ZNF676: variants seen among roughly 807,000 people sequenced by gnomAD.
ZNF676 encodes the protein zinc finger protein 676.
In ZNF676, 4 loss-of-function variants were observed where a neutral mutation model predicts 6.0. The ratio of observed to expected loss-of-function variants is 0.67; its 90% CI spans 0.33 to 1.53. The LOEUF (loss-of-function observed/expected upper bound fraction) is 1.53. ZNF676 is among the 40% of genes most tolerant of loss of function. ZNF676 has a pLI of 0.06. For missense variants in ZNF676, 644 were observed against 679.7 expected (o/e 0.95, Z 0.58); for synonymous variants, 198 against 223.1 (o/e 0.89, Z 1.00).
intron 1 of ZNF676, among the ~76,000 whole-genome samples, chr19:22,215,057 A>AAAG (rs2024169694): frequency 8.4e-6 from 1 of 118,874 alleles, no homozygotes; most frequent in South Asian, 2.7e-4. Context: ...AAAAAAAAAA[A>AAAG]AAACAACAAA....
At chr19:22,238,830 G>A in the ZNF676 span, among the ~76,000 whole-genome samples, 1 of 152,162 alleles carries the variant, frequency 6.6e-6, no homozygotes, top group Non-Finnish European at 1.5e-5. Flanking sequence ...TGTAGGCTGG[G>A]AGACTAGGCC....
At chr19:22,210,356 C>A (rs527537779) in intron 1 of ZNF676, among the ~76,000 whole-genome samples, 2 of 152,188 alleles carry the variant, frequency 1.3e-5, no homozygotes, top group South Asian at 4.2e-4. Context: ...AGTCACAAAC[C>A]CCATGGGCTC....
intron 1 of ZNF676, 53 bp from the exon 2 acceptor site, chr19:22,193,164 A>G: frequency 4.6e-6 from 7 of 1,515,776 alleles, no homozygotes; most frequent in Non-Finnish European, 6.2e-6. Context: ...TCCAATTACC[A>G]ACTTAGTAAT....
chr19:22,254,703 T>A, the ZNF676 span, among the ~76,000 whole-genome samples: 5 of 152,144 alleles, frequency 3.3e-5, no homozygotes, highest in African/African-American at 1.2e-4. Flanking sequence ...GAGAGGAAAG[T>A]CACGTCACCT....
In ZNF676 at chr19:22,196,800, A is replaced by T; in HGVS notation, c.-167T>A. The T allele has an allele frequency of 7.5e-7, 1 of 1,327,594 alleles. No individual in the cohort carries two copies. Among genetic ancestry groups the T allele is most frequent in the Non-Finnish European group, 1.1e-6 (1 of 938,446 alleles). The allele number at this position is 1,327,594 out of a possible 1,614,324, so 82.2% of individuals were successfully genotyped here. ...AACTTTTAATGTGACTCAAGGTAAA[A>T]TGGAGAGAGTAGAGAGAGCTGGTTC... On this transcript the variant is annotated 5_prime_UTR_variant, in exon 1 of 3. Coordinates refer to ENST00000397121, the MANE Select transcript of ZNF676 (RefSeq NM_001001411.3).
Position 22,180,228 on chromosome 19 carries a change from T to C in ZNF676, c.1489A>G (p.Ile497Val), listed in dbSNP as rs2023713340. Residue 497 changes from isoleucine to valine, a missense_variant, in exon 3 of 3, where the codon ATA becomes GTA. Ile to Val is a conservative substitution (Grantham distance 29, BLOSUM62 3). Transcript: ENST00000397121. ...TAGCGTTTCTCTCCAGTATGAATTATCTTATGTTTAGTAAGGATTGAGAAC... is the reference window on the plus strand; with the variant it reads ...TAGCGTTTCTCTCCAGTATGAATTACCTTATGTTTAGTAAGGATTGAGAAC... ...STFSILTKHK[I>V]IHTGEKRYKC... 4.3e-6 allele frequency: 7 copies of C among 1,613,830 alleles called. No homozygotes were observed. Among genetic ancestry groups the C allele is most frequent in the Non-Finnish European group, 5.1e-6 (6 of 1,179,914 alleles).
chr19:22,212,228 A>G (rs1409147216), intron 1 of ZNF676, among the ~76,000 whole-genome samples: 1 of 151,512 alleles, frequency 6.6e-6, no homozygotes. Context: ...AAGAAAAGAA[A>G]AGAAAACCAC....
At chr19:22,193,488 C>G (rs552289362) in intron 1 of ZNF676, among the ~76,000 whole-genome samples, 1 of 152,148 alleles carries the variant, frequency 6.6e-6, no homozygotes, top group African/African-American at 2.4e-5. Context: ...TTGCACGGTC[C>G]TACTGCCGCT....
At position 22,215,358 on chromosome 19, in the gene ZNF676, G is replaced by C. The variant is rs1002645447; in HGVS notation, c.3+274C>G. Among the ~76,000 whole-genome samples, 25 of 152,252 alleles carry C rather than the reference G, an allele frequency of 1.6e-4. 1 individual carries two copies. The highest frequency in any genetic ancestry group is 5.5e-4 in the African/African-American group (23 of 41,556). The stretch of plus-strand genomic sequence containing the variant: ...ATTCTCCTCTGACTACCCTCCCACA[G>C]TCCGTGCACAATCTGGGAGAGACTC... On this transcript the variant is annotated intron_variant, in intron 1 of 3. Coordinates refer to the ZNF676 transcript ENST00000650058.
At chr19:22,249,181 T>C in the ZNF676 span, among the ~76,000 whole-genome samples, 140 of 152,318 alleles carry the variant, frequency 9.2e-4, no homozygotes, top group African/African-American at 3.2e-3. Flanking sequence ...CAGTTTTACA[T>C]GCAAGGTGTG....
chr19:22,198,492 T>G (rs2023993718), upstream of ZNF676, among the ~76,000 whole-genome samples: 1 of 152,218 alleles, frequency 6.6e-6, no homozygotes, highest in South Asian at 2.1e-4. Flanking sequence ...ACACAGATCT[T>G]GATCTCAGAC....
intron 1 of ZNF676, among the ~76,000 whole-genome samples, chr19:22,214,823 A>G (rs542435998): frequency 5.9e-5 from 9 of 151,730 alleles, no homozygotes; most frequent in Admixed American, 4.6e-4. Context: ...GTGGATCATG[A>G]GGTCAGGAGA....
At chr19:22,221,045 A>G in the ZNF676 span, among the ~76,000 whole-genome samples, 1 of 151,506 alleles carries the variant, frequency 6.6e-6, no homozygotes, top group Non-Finnish European at 1.5e-5. Flanking sequence ...TATCTTTTAT[A>G]TTTTTTAAAA....
intron 1 of ZNF676, among the ~76,000 whole-genome samples, chr19:22,210,790 C>T (rs546837818): frequency 2.1e-4 from 32 of 152,284 alleles, no homozygotes; most frequent in African/African-American, 6.5e-4. Context: ...TCAAACTTCA[C>T]TTATTTTCTT....
At chr19:22,249,627 G>C in the ZNF676 span, among the ~76,000 whole-genome samples, 1 of 152,006 alleles carries the variant, frequency 6.6e-6, no homozygotes, top group Non-Finnish European at 1.5e-5. Context: ...AGTCAGGCTG[G>C]TCTCAAACTC....
At chr19:22,229,179 G>T in the ZNF676 span, among the ~76,000 whole-genome samples, 1 of 152,074 alleles carries the variant, frequency 6.6e-6, no homozygotes, top group African/African-American at 2.4e-5. Context: ...CAGAACAGAG[G>T]CCTCAGAAAT....
In ZNF676 at chr19:22,181,233, T is replaced by A; in HGVS notation, c.484A>T (p.Ile162Phe). 1 of 1,613,882 alleles carries A rather than the reference T, an allele frequency of 6.2e-7. No homozygotes were observed. The highest frequency in any genetic ancestry group is 8.5e-7 in the Non-Finnish European group (1 of 1,179,866). ...TTGTAGGAATTCTCTCTAGTATAAATTCTTTCATGTTGAGATAGGTGTGAA... is the reference window on the plus strand; with the variant it reads ...TTGTAGGAATTCTCTCTAGTATAAAATCTTTCATGTTGAGATAGGTGTGAA... ...MLSHLSQHERIYTRENSYKCE... is the reference protein window; with the variant it reads ...MLSHLSQHERFYTRENSYKCE... The change falls in exon 3 of 3, where the codon ATT becomes TTT. Residue 162 changes from isoleucine to phenylalanine, a missense_variant. By Grantham distance (21) the Ile-to-Phe change is conservative. Coordinates refer to ENST00000397121, the MANE Select transcript of ZNF676 (RefSeq NM_001001411.3).
the ZNF676 span, among the ~76,000 whole-genome samples, chr19:22,253,485 C>CAT: frequency 0.24 from 29,246 of 119,494 alleles, 3,393 homozygotes; most frequent in South Asian, 0.44. Flanking sequence ...TGATAATTTG[C>CAT]ATATATATAT....
At chr19:22,252,272 G>A in the ZNF676 span, among the ~76,000 whole-genome samples, 2 of 152,002 alleles carry the variant, frequency 1.3e-5, no homozygotes, top group Non-Finnish European at 2.9e-5. Context: ...GTGGGTACCT[G>A]TAATCCCAGC....
Sources: gnomAD v4.1 joint callset for allele counts (sites outside exome capture counted in the v4.1 genomes callset) on GRCh38, gnomAD v4.1.1 for gene constraint, MANE v1.5 for transcripts, NCBI Gene and HGNC (gene_info 2026-07-23, HGNC 2026-07-21) for gene names.